Variants in CSMD1 observed in about 807,000 individuals in gnomAD.
CSMD1 encodes CUB and sushi domain-containing protein 1.
In CSMD1, 213 loss-of-function variants were observed where a neutral mutation model predicts 417.5. That is an observed-to-expected ratio of 0.51 (90% CI 0.46 to 0.57). CSMD1 has a LOEUF of 0.57. Ranked by LOEUF, CSMD1 falls within the 20% of genes least tolerant of loss-of-function variation. The pLI, the probability that CSMD1 is intolerant of heterozygous loss-of-function variation, is 0.00. For synonymous variants in CSMD1, 2,862 were observed against 1,736.8 expected (o/e 1.65, Z -16.11); for missense variants, 6,923 against 4,529.7 (o/e 1.53, Z -15.17).
chr8:4,169,778 T>A (rs1357476490), intron 3 of CSMD1, among the ~76,000 whole-genome samples: 4 of 152,152 alleles, frequency 2.6e-5, no homozygotes, highest in African/African-American at 9.7e-5. Flanking sequence ...GATGCTTCTT[T>A]ACCGTTAAAC....
chr8:4,713,521 C>A (rs1808447961), intron 1 of CSMD1, among the ~76,000 whole-genome samples: 1 of 152,174 alleles, frequency 6.6e-6, no homozygotes, highest in African/African-American at 2.4e-5. Flanking sequence ...CCTGCCTCAG[C>A]CTCCCGGGTA....
intron 3 of CSMD1, among the ~76,000 whole-genome samples, chr8:4,192,422 CAT>C (rs1489538746): frequency 6.6e-6 from 1 of 152,034 alleles, no homozygotes; most frequent in Non-Finnish European, 1.5e-5. Context: ...AAGAGGCCAC[CAT>C]CAGAATTATA....
In CSMD1 at chr8:3,720,998, T is replaced by C. The variant is rs895235531; in HGVS notation, c.932-12507A>G. Among the ~76,000 whole-genome samples, 23 of 151,984 alleles carry C rather than the reference T, an allele frequency of 1.5e-4. 1 individual carries two copies. The highest frequency in any genetic ancestry group is 4.6e-4 in the African/African-American group (19 of 41,360). ...ACCCGGCTAATTTATTTTTTTTGTA[T>C]TTTTAGTACAGACGGGGTTTCACCA... On this transcript the variant is annotated intron_variant, in intron 6 of 69. Transcript: ENST00000635120.
chr8:4,012,612 T>C (rs540064646), intron 4 of CSMD1, among the ~76,000 whole-genome samples: 41 of 152,202 alleles, frequency 2.7e-4, no homozygotes, highest in African/African-American at 7.2e-4. Flanking sequence ...GACTATGTCA[T>C]CTGTATGTCT....
intron 50 of CSMD1, among the ~76,000 whole-genome samples, chr8:3,051,557 C>G (rs1811818387): frequency 6.6e-6 from 1 of 151,982 alleles, no homozygotes; most frequent in Admixed American, 6.6e-5. Context: ...CGTAGTTCAC[C>G]TATATAACAA....
chr8:4,909,224 G>A (rs981863456), intron 1 of CSMD1, among the ~76,000 whole-genome samples: 74 of 152,146 alleles, frequency 4.9e-4, no homozygotes, highest in African/African-American at 1.7e-3. Flanking sequence ...AGTGAGGGAT[G>A]GTAGAGTGTT....
intron 3 of CSMD1, among the ~76,000 whole-genome samples, chr8:4,043,633 A>AT (rs1437142057): frequency 6.6e-6 from 1 of 152,204 alleles, no homozygotes; most frequent in Non-Finnish European, 1.5e-5. Context: ...GACGAAATGC[A>AT]TTTTTTAATT....
chr8:3,444,913 C>A (rs186020122), intron 12 of CSMD1, among the ~76,000 whole-genome samples: 1 of 152,134 alleles, frequency 6.6e-6, no homozygotes, highest in Non-Finnish European at 1.5e-5. Flanking sequence ...GGTCAGTGCA[C>A]GTCAGTCACC....
chr8:4,158,319 A>C (rs1415248540), intron 3 of CSMD1, among the ~76,000 whole-genome samples: 1 of 152,102 alleles, frequency 6.6e-6, no homozygotes, highest in Non-Finnish European at 1.5e-5. Flanking sequence ...GGAAGGATGC[A>C]ATCATCTCTA....
chr8:3,350,140 TATA>T (rs1434499685), intron 21 of CSMD1, among the ~76,000 whole-genome samples: 1 of 96,394 alleles, frequency 1.0e-5, no homozygotes, highest in African/African-American at 3.8e-5. Flanking sequence ...TATAATAACC[TATA>T]ATAACTTGTG....
intron 1 of CSMD1, among the ~76,000 whole-genome samples, chr8:4,970,832 A>C (rs1054030117): frequency 6.6e-6 from 1 of 152,066 alleles, no homozygotes; most frequent in African/African-American, 2.4e-5. Flanking sequence ...CTAGTCATCA[A>C]AATCAAAGTA....
intron 5 of CSMD1, among the ~76,000 whole-genome samples, chr8:3,794,381 T>G (rs1402931595): frequency 2.0e-5 from 3 of 152,160 alleles, no homozygotes; most frequent in Non-Finnish European, 2.9e-5. Context: ...ATCATGAAGT[T>G]TCATCCATGT....
chr8:3,537,418 C>G (rs1007275627), intron 10 of CSMD1, among the ~76,000 whole-genome samples: 2 of 152,104 alleles, frequency 1.3e-5, no homozygotes, highest in South Asian at 2.1e-4. Flanking sequence ...AAATACTACA[C>G]CTGTTGCATT....
chr8:3,813,562 A>G lies in CSMD1; in HGVS notation c.819-59520T>C, dbSNP rs185329089. Among the ~76,000 whole-genome samples, 9 of 152,344 alleles carry G rather than the reference A, an allele frequency of 5.9e-5. No individual in the cohort carries two copies. In the East Asian group the frequency reaches 1.4e-3, roughly 23 times the overall value. ...CTAATATAACACAACGTAGGAGTCT[A>G]TAACACAATTTAACAAGAATTTTAA... On this transcript the variant is annotated intron_variant, in intron 5 of 69. Coordinates refer to ENST00000635120, the MANE Select transcript of CSMD1 (RefSeq NM_033225.6).
intron 33 of CSMD1, among the ~76,000 whole-genome samples, chr8:3,193,987 C>T (rs949380679): frequency 1.3e-5 from 2 of 152,160 alleles, no homozygotes; most frequent in South Asian, 2.1e-4. Context: ...ACTTGCAATA[C>T]CTAAGTGAAG....
At chr8:4,888,500 TAGATG>T (rs1330041494) in intron 1 of CSMD1, among the ~76,000 whole-genome samples, 2 of 151,482 alleles carry the variant, frequency 1.3e-5, no homozygotes, top group East Asian at 3.9e-4. Flanking sequence ...GATAGACTGA[TAGATG>T]AGAGAGAGAG....
chr8:3,122,368 C>T (rs1817259453), intron 41 of CSMD1, among the ~76,000 whole-genome samples: 1 of 152,122 alleles, frequency 6.6e-6, no homozygotes, highest in African/African-American at 2.4e-5. Context: ...TGATTAGAGA[C>T]ACTCTACAAA....
At chr8:3,661,272 C>T (rs1267951413) in intron 7 of CSMD1, among the ~76,000 whole-genome samples, 2 of 152,176 alleles carry the variant, frequency 1.3e-5, no homozygotes, top group Admixed American at 6.5e-5. Flanking sequence ...AGCCATACTT[C>T]AACCATTTAT....
intron 1 of CSMD1, among the ~76,000 whole-genome samples, chr8:4,774,686 C>T (rs1563351422): frequency 6.6e-6 from 1 of 152,100 alleles, no homozygotes; most frequent in Non-Finnish European, 1.5e-5. Context: ...GAAGTATTGG[C>T]TCATGGGGGT....
Sources: allele counts gnomAD v4.1 joint callset (sites outside exome capture counted in the v4.1 genomes callset), GRCh38; gene constraint gnomAD v4.1.1; transcripts MANE v1.5; gene names NCBI Gene and HGNC (gene_info 2026-07-23, HGNC 2026-07-21).